CHRDL1: variants seen among roughly 807,000 people sequenced by gnomAD.
CHRDL1 encodes the protein chordin-like protein 1.
In CHRDL1, 19 loss-of-function variants were observed where a neutral mutation model predicts 40.9. That is an observed-to-expected ratio of 0.46 (90% CI 0.32 to 0.68). The LOEUF (loss-of-function observed/expected upper bound fraction) is 0.68. CHRDL1 is among the 30% of genes least tolerant of loss of function. CHRDL1 has a pLI of 0.03. For missense variants in CHRDL1, 329 were observed against 352.1 expected (o/e 0.93, Z 0.53); for synonymous variants, 136 against 123.4 (o/e 1.10, Z -0.68).
chrX:110,765,119 C>G, intron 2 of CHRDL1, among the ~76,000 whole-genome samples: 1 of 111,204 alleles, frequency 9.0e-6, no homozygotes, highest in Non-Finnish European at 1.9e-5. Flanking sequence ...GATCTTTGTT[C>G]TCTTTTTTGT....
intron 4 of CHRDL1, among the ~76,000 whole-genome samples, chrX:110,733,919 A>G: frequency 1.0e-5 from 1 of 99,857 alleles, no homozygotes; most frequent in South Asian, 5.2e-4. Context: ...CAACAAGAGC[A>G]AAACTCTGTC....
intron 7 of CHRDL1, among the ~76,000 whole-genome samples, chrX:110,696,515 A>T (rs985448225): frequency 9.1e-6 from 1 of 110,326 alleles, no homozygotes; most frequent in East Asian, 2.9e-4. Flanking sequence ...GGGGAAGATG[A>T]ATAGAAGGAG....
intron 4 of CHRDL1, among the ~76,000 whole-genome samples, chrX:110,743,813 T>C (rs1699838627): frequency 9.0e-6 from 1 of 111,394 alleles, no homozygotes. Context: ...TGTGAGCCTG[T>C]GAGAGTGTAT....
At chrX:110,745,461 C>T (rs1603217102) in intron 4 of CHRDL1, among the ~76,000 whole-genome samples, 2 of 111,539 alleles carry the variant, frequency 1.8e-5, no homozygotes, top group East Asian at 5.7e-4. Context: ...CTACACAGAC[C>T]ATACTCAACT....
chrX:110,733,923 C>A (rs184403500), intron 4 of CHRDL1, among the ~76,000 whole-genome samples: 2 of 64,049 alleles, frequency 3.1e-5, no homozygotes, highest in Admixed American at 2.0e-4. Flanking sequence ...AAGAGCAAAA[C>A]TCTGTCTCAA....
At chrX:110,763,420 C>G (rs1241025314) in intron 2 of CHRDL1, among the ~76,000 whole-genome samples, 4 of 109,965 alleles carry the variant, frequency 3.6e-5, no homozygotes, top group Non-Finnish European at 7.6e-5. Context: ...ATAATAGTCT[C>G]CAATCTCATC....
chrX:110,688,243 G>A (rs896847790), intron 9 of CHRDL1, among the ~76,000 whole-genome samples: 1 of 110,903 alleles, frequency 9.0e-6, no homozygotes, highest in Non-Finnish European at 1.9e-5. Flanking sequence ...AAAGGGCAAT[G>A]GATGTGATTG....
chrX:110,721,291 C>T lies in CHRDL1; in HGVS notation c.447+94G>A, dbSNP rs1299714604. 17 of 854,546 alleles carry T rather than the reference C, an allele frequency of 2.0e-5. No individual in the cohort carries two copies. In the East Asian group the frequency reaches 4.7e-4, roughly 24 times the overall value. 70.4% of individuals were successfully genotyped at this position (854,546 alleles called of 1,213,427 possible). A position where few individuals can be genotyped will look rare whatever the true frequency, so the allele number is the denominator to read the frequency against. On this transcript the variant is annotated intron_variant, in intron 5 of 11. Coordinates refer to ENST00000372042, the MANE Select transcript of CHRDL1 (RefSeq NM_001143981.2). ...ATGCAAGTCATGTTTTATTCAAACA[C>T]CTTACAGTGCAGGCACAAATGAAAG... is the stretch of plus-strand genomic sequence containing the variant.
At chrX:110,703,206 C>A (rs948104809) in intron 6 of CHRDL1, among the ~76,000 whole-genome samples, 4 of 111,683 alleles carry the variant, frequency 3.6e-5, no homozygotes, top group South Asian at 3.7e-4. Flanking sequence ...TGGGTTTTGA[C>A]AAGCCTTCCA....
intron 6 of CHRDL1, among the ~76,000 whole-genome samples, chrX:110,710,504 C>A (rs979460132): frequency 8.9e-6 from 1 of 112,116 alleles, no homozygotes; most frequent in Admixed American, 9.4e-5. Context: ...CCCAGATGGC[C>A]GATTAGGAAT....
chrX:110,759,641 A>G lies in CHRDL1; in HGVS notation c.301+20T>C. On this transcript the variant is annotated intron_variant, in intron 4 of 11. Coordinates refer to ENST00000372042, the MANE Select transcript of CHRDL1 (RefSeq NM_001143981.2). ...AAATGGAGAACCACAGCTAGGAAAGAAAGAGACAAATTGCTTTACCTGGGC... is the reference window on the plus strand; with the variant it reads ...AAATGGAGAACCACAGCTAGGAAAGGAAGAGACAAATTGCTTTACCTGGGC... 1 of 1,086,561 alleles carries G rather than the reference A, an allele frequency of 9.2e-7. No individual in the cohort carries two copies. Among genetic ancestry groups the G allele is most frequent in the Non-Finnish European group, 1.3e-6 (1 of 781,288 alleles). The allele number at this position is 1,086,561 out of a possible 1,213,427, so 89.5% of individuals were successfully genotyped here.
intron 4 of CHRDL1, among the ~76,000 whole-genome samples, chrX:110,753,434 C>T (rs1432555675): frequency 2.7e-5 from 3 of 111,708 alleles, no homozygotes; most frequent in Non-Finnish European, 5.7e-5. Flanking sequence ...AATAGGTTTC[C>T]TTTTGGGGTG....
intron 4 of CHRDL1, among the ~76,000 whole-genome samples, chrX:110,731,370 A>G (rs1017835655): frequency 2.7e-5 from 3 of 111,368 alleles, no homozygotes; most frequent in Non-Finnish European, 3.8e-5. Flanking sequence ...ACCCTTATAC[A>G]GTGCTGGTGA....
chrX:110,745,425 A>T (rs142519900), intron 4 of CHRDL1, among the ~76,000 whole-genome samples: 1 of 111,730 alleles, frequency 9.0e-6, no homozygotes, highest in African/African-American at 3.3e-5. Context: ...GCCTCCATCA[A>T]TCTGACATTT....
intron 4 of CHRDL1, among the ~76,000 whole-genome samples, chrX:110,732,674 G>A (rs2071187772): frequency 9.0e-6 from 1 of 110,791 alleles, no homozygotes; most frequent in Admixed American, 9.6e-5. Context: ...CGTCTTGTCA[G>A]ACAGATGGCT....
chrX:110,676,173 C>G lies in CHRDL1; in HGVS notation c.*58G>C. On this transcript the variant is annotated 3_prime_UTR_variant, in exon 12 of 12. Transcript: ENST00000372042. ...TGTTGACTTAAGCAAAATAAGCCTG[C>G]AGTCCAGCTGCAGCTTGAGTTTTCT... 8.8e-7 allele frequency: 1 copy of G among 1,139,807 alleles called. No homozygotes were observed. Among genetic ancestry groups the G allele is most frequent in the Non-Finnish European group, 1.2e-6 (1 of 847,900 alleles). 93.9% of individuals were successfully genotyped at this position (1,139,807 alleles called of 1,213,427 possible). A position where few individuals can be genotyped will look rare whatever the true frequency, so the allele number is the denominator to read the frequency against.
At chrX:110,721,714 TATCCATCCATCC>T (rs768110433) in intron 4 of CHRDL1, among the ~76,000 whole-genome samples, 184 bp from the exon 5 acceptor site, 1 of 111,899 alleles carries the variant, frequency 8.9e-6, no homozygotes, top group Admixed American at 9.4e-5. Context: ...CATTATGATC[TATCCATCCATCC>T]ATCCATCCAT....
chrX:110,760,272 G>C (rs375946283), intron 3 of CHRDL1, among the ~76,000 whole-genome samples: 41 of 112,204 alleles, frequency 3.7e-4, no homozygotes, highest in African/African-American at 1.3e-3. Context: ...AAATTCTTCT[G>C]AGGACGAGCT....
At chrX:110,697,832 A>G (rs2070425092) in intron 7 of CHRDL1, among the ~76,000 whole-genome samples, 1 of 82,102 alleles carries the variant, frequency 1.2e-5, no homozygotes, top group African/African-American at 8.2e-5. Context: ...ACACACACAC[A>G]CACACACACA....
Sources: allele counts gnomAD v4.1 joint callset (sites outside exome capture counted in the v4.1 genomes callset), GRCh38; gene constraint gnomAD v4.1.1; transcripts MANE v1.5; gene names NCBI Gene and HGNC (gene_info 2026-07-23, HGNC 2026-07-21).